Variants in AGBL4 observed in about 807,000 individuals in gnomAD.
The protein encoded by AGBL4 is AGBL carboxypeptidase 4.
Under a neutral mutation model 66.4 loss-of-function variants are expected in AGBL4, and 58 were observed. That is an observed-to-expected ratio of 0.87 (90% CI 0.71 to 1.09). AGBL4 has a LOEUF of 1.09. Among genes scored for constraint, AGBL4 ranks in the 50% least tolerant of loss-of-function variants. The pLI, the probability that AGBL4 is intolerant of heterozygous loss-of-function variation, is 0.00. For missense variants in AGBL4, 579 were observed against 631.0 expected, an observed-to-expected ratio of 0.92 and a Z score of 0.88; for synonymous variants, 234 against 222.9, an observed-to-expected ratio of 1.05 and a Z score of -0.44.
intron 2 of AGBL4, among the ~76,000 whole-genome samples, chr1:49,831,509 G>A (rs1396038856): frequency 1.3e-5 from 2 of 152,190 alleles, no homozygotes; most frequent in East Asian, 3.9e-4. Context: ...GAGATTTGGG[G>A]CTGACACAAT....
intron 3 of AGBL4, among the ~76,000 whole-genome samples, chr1:49,444,684 T>G (rs1354569961): frequency 3.3e-5 from 5 of 152,082 alleles, no homozygotes; most frequent in Non-Finnish European, 5.9e-5. Context: ...AAAATGAGTT[T>G]CCTGTAAGCA....
In AGBL4 at chr1:49,535,971, G is replaced by A. The variant is rs370164988; in HGVS notation, c.282+161342C>T. On this transcript the variant is annotated intron_variant, in intron 3 of 13. Coordinates refer to ENST00000371839, the MANE Select transcript of AGBL4 (RefSeq NM_032785.4). ...CTCCCAAAGTGCTGGGATTACAGGCGTGAGCCACCGTGCCCCAGTGAAATA... is the reference window on the plus strand; with the variant it reads ...CTCCCAAAGTGCTGGGATTACAGGCATGAGCCACCGTGCCCCAGTGAAATA... Among the ~76,000 whole-genome samples, 52 of 152,296 alleles carry A rather than the reference G, an allele frequency of 3.4e-4. 1 individual carries two copies. The South Asian group carries it at 9.5e-3, about 28-fold the overall frequency.
At chr1:49,991,362 T>A (rs983851727) in intron 1 of AGBL4, among the ~76,000 whole-genome samples, 2 of 152,158 alleles carry the variant, frequency 1.3e-5, no homozygotes, top group African/African-American at 4.8e-5. Flanking sequence ...AATATATGTA[T>A]AAATAATTCT....
rs191508048 is a variant in AGBL4 at position 49,564,517 on chromosome 1, C to G, written c.282+132796G>C. On this transcript the variant is annotated intron_variant, in intron 3 of 13. Transcript: ENST00000371839. ...TTCTGGTATGTTGTGTCTTTCTTCT[C>G]GTTGGTTTCAAAGAACATCTTTATT... Among the ~76,000 whole-genome samples, 2 of 152,190 alleles carry G rather than the reference C, an allele frequency of 1.3e-5. 1 individual carries two copies. Among genetic ancestry groups the G allele is most frequent in the East Asian group, 3.9e-4 (2 of 5,176 alleles).
intron 5 of AGBL4, among the ~76,000 whole-genome samples, chr1:48,890,196 C>T (rs970834001): frequency 6.6e-6 from 1 of 152,120 alleles, no homozygotes; most frequent in African/African-American, 2.4e-5. Context: ...CAGGTTTACC[C>T]ATACCTCAAG....
At chr1:48,746,482 T>A (rs752335191) in intron 6 of AGBL4, among the ~76,000 whole-genome samples, 14 of 152,274 alleles carry the variant, frequency 9.2e-5, no homozygotes, top group African/African-American at 3.1e-4. Context: ...CTGATAGACT[T>A]CTGTCAAATA....
chr1:48,761,338 T>C, intron 6 of AGBL4: 1 of 1,548,476 alleles, frequency 6.5e-7, no homozygotes, highest in Non-Finnish European at 8.7e-7. Flanking sequence ...TTTTGTTACC[T>C]TGATGTGTCT....
chr1:48,675,173 G>C lies in AGBL4; in HGVS notation c.635-11932C>G, dbSNP rs116412224. Among the ~76,000 whole-genome samples, 611 of 152,272 alleles carry C rather than the reference G, an allele frequency of 4.0e-3. 5 individuals are homozygous for C. The highest frequency in any genetic ancestry group is 0.014 in the African/African-American group (593 of 41,540). ...CCCCCGCCACACCCATCGCATGTTG[G>C]ATCTTCAGTGTCCTTCACTCCCACC... On this transcript the variant is annotated intron_variant, in intron 6 of 13. Transcript: ENST00000371839.
At chr1:49,958,118 A>G (rs1295125140) in intron 1 of AGBL4, among the ~76,000 whole-genome samples, 1 of 152,002 alleles carries the variant, frequency 6.6e-6, no homozygotes, top group East Asian at 1.9e-4. Flanking sequence ...TTCACTTATG[A>G]AGCTTAGTTT....
At chr1:49,289,618 T>TA (rs1644496194) in intron 3 of AGBL4, among the ~76,000 whole-genome samples, 1 of 152,198 alleles carries the variant, frequency 6.6e-6, no homozygotes, top group East Asian at 1.9e-4. Context: ...TCTACCCACA[T>TA]ATTCACTAAA....
At chr1:49,951,641 G>A (rs1006556716) in intron 1 of AGBL4, among the ~76,000 whole-genome samples, 5 of 151,868 alleles carry the variant, frequency 3.3e-5, no homozygotes, top group African/African-American at 9.6e-5. Flanking sequence ...AGTTTACTAC[G>A]GCATACGTAT....
chr1:49,817,085 CT>C (rs1244391576), intron 2 of AGBL4, among the ~76,000 whole-genome samples: 2 of 152,178 alleles, frequency 1.3e-5, no homozygotes, highest in Non-Finnish European at 2.9e-5. Flanking sequence ...TGACCACCTT[CT>C]TTGGTTTACA....
chr1:48,646,200 A>G (rs1316145933), intron 8 of AGBL4, among the ~76,000 whole-genome samples: 2 of 152,106 alleles, frequency 1.3e-5, no homozygotes, highest in African/African-American at 2.4e-5. Context: ...TGGATCGGGC[A>G]CTGGATTGAA....
At chr1:49,675,824 G>C (rs1646568142) in intron 3 of AGBL4, among the ~76,000 whole-genome samples, 1 of 152,086 alleles carries the variant, frequency 6.6e-6, no homozygotes, top group South Asian at 2.1e-4. Context: ...TTCCAGATGA[G>C]AATCACTAAT....
At chr1:49,208,843 C>A (rs1000154928) in intron 4 of AGBL4, among the ~76,000 whole-genome samples, 2 of 152,096 alleles carry the variant, frequency 1.3e-5, no homozygotes, top group Non-Finnish European at 2.9e-5. Flanking sequence ...ATGTCAGAAT[C>A]CAGCTCTTAC....
chr1:48,808,331 C>A (rs1645974002), intron 6 of AGBL4, among the ~76,000 whole-genome samples: 1 of 152,164 alleles, frequency 6.6e-6, no homozygotes, highest in South Asian at 2.1e-4. Context: ...CTTATTATTT[C>A]CCACAATAAA....
chr1:48,540,510 C>T (rs918537486), intron 11 of AGBL4, among the ~76,000 whole-genome samples: 28 of 152,044 alleles, frequency 1.8e-4, no homozygotes, highest in Non-Finnish European at 3.8e-4. Context: ...AATTCATGCC[C>T]CTTGCTTCTC....
chr1:49,520,329 C>A (rs569046182), intron 3 of AGBL4, among the ~76,000 whole-genome samples: 3 of 151,982 alleles, frequency 2.0e-5, no homozygotes, highest in South Asian at 2.1e-4. Flanking sequence ...ACAAAACAAC[C>A]CTGCAAAACT....
At chr1:49,649,098 C>T (rs1308136211) in intron 3 of AGBL4, among the ~76,000 whole-genome samples, 2 of 152,068 alleles carry the variant, frequency 1.3e-5, no homozygotes, top group Admixed American at 6.6e-5. Flanking sequence ...ACAAATACAG[C>T]AGATATTAAT....
Sources: allele counts gnomAD v4.1 joint callset (sites outside exome capture counted in the v4.1 genomes callset), GRCh38; gene constraint gnomAD v4.1.1; transcripts MANE v1.5; gene names NCBI Gene and HGNC (gene_info 2026-07-23, HGNC 2026-07-21).